The following OR1J2 variants were observed in gnomAD, a reference collection of about 807,000 sequenced individuals.
OR1J2 encodes the protein olfactory receptor family 1 subfamily J member 2.
For missense variants in OR1J2, 304 were observed against 246.1 expected (o/e 1.24, Z -1.57); for synonymous variants, 142 against 99.7 (o/e 1.42, Z -2.52).
At chr9:122,462,636 C>T in the OR1J2 span, among the ~76,000 whole-genome samples, 1 of 152,240 alleles carries the variant, frequency 6.6e-6, no homozygotes, top group African/African-American at 2.4e-5. Context: ...ATTCTCTTAG[C>T]ATTTGTTTGT....
At chr9:122,542,629 A>T in the OR1J2 span, among the ~76,000 whole-genome samples, 2 of 152,092 alleles carry the variant, frequency 1.3e-5, no homozygotes, top group Non-Finnish European at 2.9e-5. Flanking sequence ...GCTTCCACAC[A>T]TCCATTTATT....
chr9:122,554,315 CT>C, the OR1J2 span: 2 of 623,534 alleles, frequency 3.2e-6, no homozygotes, highest in South Asian at 2.1e-5. Flanking sequence ...GTGTTTCATT[CT>C]TTTATTAGGC....
chr9:122,503,181 T>G, the OR1J2 span, among the ~76,000 whole-genome samples: 9 of 152,114 alleles, frequency 5.9e-5, no homozygotes, highest in Non-Finnish European at 1.3e-4. Flanking sequence ...TGATGATAAA[T>G]GAGATCTTGA....
At chr9:122,523,334 G>C in the OR1J2 span, among the ~76,000 whole-genome samples, 1 of 152,130 alleles carries the variant, frequency 6.6e-6, no homozygotes, top group East Asian at 1.9e-4. Context: ...TATTGTGAGG[G>C]GGGTAGATTG....
the OR1J2 span, among the ~76,000 whole-genome samples, chr9:122,473,751 G>A: frequency 6.6e-6 from 1 of 152,112 alleles, no homozygotes; most frequent in Non-Finnish European, 1.5e-5. Flanking sequence ...TTACCAGGTG[G>A]GCATGGGACT....
chr9:122,516,132 A>T (rs1220039286), downstream of OR1J2, among the ~76,000 whole-genome samples: 1 of 152,102 alleles, frequency 6.6e-6, no homozygotes, highest in Non-Finnish European at 1.5e-5. Context: ...TTGCCCAAAG[A>T]CATACAACTT....
At chr9:122,553,031 G>C in the OR1J2 span, 3 of 684,686 alleles carry the variant, frequency 4.4e-6, no homozygotes, top group African/African-American at 3.6e-5. Flanking sequence ...TGTCTCTTGG[G>C]TATTTCCTTG....
the OR1J2 span, among the ~76,000 whole-genome samples, chr9:122,459,976 C>A: frequency 2.0e-5 from 3 of 152,022 alleles, no homozygotes; most frequent in South Asian, 2.1e-4. Flanking sequence ...TTTGCACCAA[C>A]CTAATATTAT....
the OR1J2 span, among the ~76,000 whole-genome samples, chr9:122,467,560 T>C: frequency 6.6e-6 from 1 of 152,188 alleles, no homozygotes; most frequent in Non-Finnish European, 1.5e-5. Flanking sequence ...GGCAAAATCA[T>C]TCACTGATAT....
At chr9:122,539,049 C>A in the OR1J2 span, among the ~76,000 whole-genome samples, 2 of 152,120 alleles carry the variant, frequency 1.3e-5, no homozygotes, top group East Asian at 3.9e-4. Flanking sequence ...GATAGTACAC[C>A]TATCTCTCGG....
At chr9:122,576,779 C>T in the OR1J2 span, 1 of 152,144 alleles carries the variant, frequency 6.6e-6, no homozygotes, top group East Asian at 1.9e-4. Flanking sequence ...AGCACTGATT[C>T]CTGCAGAGGC....
At chr9:122,469,538 C>T in the OR1J2 span, among the ~76,000 whole-genome samples, 1 of 152,122 alleles carries the variant, frequency 6.6e-6, no homozygotes, top group South Asian at 2.1e-4. Context: ...TGAAAATGGA[C>T]TAATACAGTA....
chr9:122,508,051 T>A (rs568047892), upstream of OR1J2, among the ~76,000 whole-genome samples: 60 of 151,454 alleles, frequency 4.0e-4, 1 homozygote, highest in Admixed American at 3.9e-3. Flanking sequence ...AATCTGTGGC[T>A]TTTTCTCTAG....
the OR1J2 span, chr9:122,520,164 A>G: frequency 3.1e-6 from 3 of 973,532 alleles, no homozygotes; most frequent in Non-Finnish European, 3.0e-6. Context: ...AGCAAGGGAT[A>G]AGTGCTCAGT....
chr9:122,468,829 C>G, the OR1J2 span, among the ~76,000 whole-genome samples: 1 of 152,212 alleles, frequency 6.6e-6, no homozygotes, highest in Non-Finnish European at 1.5e-5. Context: ...CTATGAACCT[C>G]TTCTACTTAC....
At chr9:122,515,623 C>T (rs78639395), downstream of OR1J2, among the ~76,000 whole-genome samples, 1 of 152,190 alleles carries the variant, frequency 6.6e-6, no homozygotes, top group East Asian at 1.9e-4. Flanking sequence ...AGAATGTGGG[C>T]TTATTTACTG....
the OR1J2 span, chr9:122,578,586 GT>G: frequency 6.6e-6 from 1 of 151,854 alleles, no homozygotes; most frequent in East Asian, 1.9e-4. Flanking sequence ...TAAAGAAATC[GT>G]GATATATACA....
chr9:122,531,096 A>C, the OR1J2 span, among the ~76,000 whole-genome samples: 1 of 152,254 alleles, frequency 6.6e-6, no homozygotes, highest in African/African-American at 2.4e-5. Context: ...GTATGGAGAG[A>C]TAATGGGCGA....
At chr9:122,509,291 C>G (rs1828588580), upstream of OR1J2, among the ~76,000 whole-genome samples, 1 of 152,110 alleles carries the variant, frequency 6.6e-6, no homozygotes, top group South Asian at 2.1e-4. Flanking sequence ...CAGGAGTACC[C>G]AAGAGGGAGC....
Sources: gnomAD v4.1 joint callset for allele counts (sites outside exome capture counted in the v4.1 genomes callset) on GRCh38, gnomAD v4.1.1 for gene constraint, MANE v1.5 for transcripts, NCBI Gene and HGNC (gene_info 2026-07-23, HGNC 2026-07-21) for gene names.